The following ARB2A variants were observed in gnomAD, a reference collection of about 807,000 sequenced individuals.
The protein encoded by ARB2A is cotranscriptional regulator ARB2A.
chr5:93,665,294 C>T, the ARB2A span, among the ~76,000 whole-genome samples: 2 of 152,158 alleles, frequency 1.3e-5, no homozygotes, highest in African/African-American at 4.8e-5. Context: ...AATGATTTTA[C>T]TTATAAGAAA....
At chr5:93,928,091 A>T in the ARB2A span, among the ~76,000 whole-genome samples, 2 of 152,180 alleles carry the variant, frequency 1.3e-5, no homozygotes, top group African/African-American at 4.8e-5. Context: ...AGGATTAGAA[A>T]CTAGGATAAC....
the ARB2A span, among the ~76,000 whole-genome samples, chr5:93,859,420 A>G: frequency 6.6e-6 from 1 of 151,278 alleles, no homozygotes; most frequent in Non-Finnish European, 1.5e-5. Context: ...AAGGCACATG[A>G]AAAAAAAAGG....
chr5:93,733,814 T>G, the ARB2A span: 1 of 152,202 alleles, frequency 6.6e-6, no homozygotes, highest in Non-Finnish European at 1.5e-5. Context: ...GGTTTTGTAG[T>G]TTTCACTTTA....
the ARB2A span, among the ~76,000 whole-genome samples, chr5:93,722,921 A>G: frequency 6.6e-6 from 1 of 152,164 alleles, no homozygotes; most frequent in East Asian, 1.9e-4. Flanking sequence ...CTTACAATAC[A>G]TGTTAAATGT....
chr5:93,760,679 T>A, the ARB2A span, among the ~76,000 whole-genome samples: 299 of 152,334 alleles, frequency 2.0e-3, 1 homozygote, highest in Non-Finnish European at 3.5e-3. Context: ...CAAATGGTGC[T>A]GGGATAATTG....
chr5:94,074,630 C>A, the ARB2A span: 2 of 1,589,132 alleles, frequency 1.3e-6, no homozygotes, highest in Non-Finnish European at 8.6e-7. Flanking sequence ...CCTGAAAAAG[C>A]AAATTAAGTA....
the ARB2A span, among the ~76,000 whole-genome samples, chr5:93,939,116 T>C: frequency 6.6e-6 from 1 of 152,202 alleles, no homozygotes; most frequent in African/African-American, 2.4e-5. Context: ...GCTCATGGTA[T>C]GAATAAGCAA....
chr5:93,655,867 C>T, the ARB2A span, among the ~76,000 whole-genome samples: 1 of 152,336 alleles, frequency 6.6e-6, no homozygotes, highest in East Asian at 1.9e-4. Flanking sequence ...GTCTCAGTCA[C>T]TCTTCATCCC....
the ARB2A span, chr5:93,881,679 C>A: frequency 6.6e-7 from 1 of 1,523,134 alleles, no homozygotes; most frequent in Non-Finnish European, 8.8e-7. Flanking sequence ...ACTATTACTC[C>A]ATATCCTTCC....
chr5:94,053,677 C>A, the ARB2A span, among the ~76,000 whole-genome samples: 1 of 152,144 alleles, frequency 6.6e-6, no homozygotes, highest in Non-Finnish European at 1.5e-5. Context: ...AAATAAAACA[C>A]GCTAACTAGC....
At chr5:93,697,694 C>T in the ARB2A span, among the ~76,000 whole-genome samples, 2 of 152,136 alleles carry the variant, frequency 1.3e-5, no homozygotes, top group Non-Finnish European at 2.9e-5. Flanking sequence ...CGCTTCAGCA[C>T]ATCACATTTT....
At chr5:93,973,561 C>G in the ARB2A span, among the ~76,000 whole-genome samples, 10 of 151,994 alleles carry the variant, frequency 6.6e-5, no homozygotes, top group Admixed American at 5.9e-4. Flanking sequence ...ACAAGAAATC[C>G]AGAGAACTCC....
the ARB2A span, among the ~76,000 whole-genome samples, chr5:93,912,493 A>G: frequency 6.6e-6 from 1 of 151,858 alleles, no homozygotes; most frequent in African/African-American, 2.4e-5. Flanking sequence ...GTTTCCATCC[A>G]CTTACCTAAA....
chr5:93,802,355 G>T, the ARB2A span, among the ~76,000 whole-genome samples: 1 of 151,604 alleles, frequency 6.6e-6, no homozygotes, highest in Non-Finnish European at 1.5e-5. Flanking sequence ...CAATGAAAAA[G>T]AAAACATCCA....
chr5:93,940,970 A>G, the ARB2A span, among the ~76,000 whole-genome samples: 3 of 152,174 alleles, frequency 2.0e-5, no homozygotes, highest in South Asian at 2.1e-4. Context: ...ATAAAAATAT[A>G]AAGGCTAAAA....
At chr5:94,085,880 G>C in the ARB2A span, among the ~76,000 whole-genome samples, 1 of 152,088 alleles carries the variant, frequency 6.6e-6, no homozygotes, top group African/African-American at 2.4e-5. Flanking sequence ...CCAAATCTTA[G>C]AACACTACAT....
the ARB2A span, chr5:94,055,867 G>A: frequency 2.0e-6 from 2 of 985,290 alleles, no homozygotes; most frequent in African/African-American, 3.5e-5. Flanking sequence ...AGCAGATCTT[G>A]CTTCTAACAG....
the ARB2A span, among the ~76,000 whole-genome samples, chr5:93,853,534 C>G: frequency 6.6e-6 from 1 of 152,026 alleles, no homozygotes; most frequent in Non-Finnish European, 1.5e-5. Flanking sequence ...CTGTCTTGTG[C>G]CAGTTTTCCA....
the ARB2A span, among the ~76,000 whole-genome samples, chr5:93,794,934 T>C: frequency 6.6e-6 from 1 of 152,182 alleles, no homozygotes; most frequent in African/African-American, 2.4e-5. Flanking sequence ...TGTGGTTCTA[T>C]AGGCAGGATC....
Sources: allele counts gnomAD v4.1 joint callset (sites outside exome capture counted in the v4.1 genomes callset), GRCh38; gene constraint gnomAD v4.1.1; transcripts MANE v1.5; gene names NCBI Gene and HGNC (gene_info 2026-07-23, HGNC 2026-07-21).